Variants in HMGCLL1 observed in about 807,000 individuals in gnomAD.
The protein encoded by HMGCLL1 is 3-hydroxymethyl-3-methylglutaryl-CoA lyase, cytoplasmic.
A neutral mutation model predicts 39.1 loss-of-function variants in HMGCLL1; 36 were observed. The observed-to-expected ratio is 0.92, with a 90% confidence interval of 0.71 to 1.22. HMGCLL1 has a LOEUF of 1.22. Ranked by LOEUF, HMGCLL1 falls within the 50% of genes most tolerant of loss-of-function variation. The probability of loss-of-function intolerance (pLI) is 0.00; values close to 1 mark genes in which losing one functional copy is unlikely to be tolerated. For synonymous variants in HMGCLL1, 149 were observed against 144.0 expected, an observed-to-expected ratio of 1.03 and a Z score of -0.25; for missense variants, 451 against 416.5, an observed-to-expected ratio of 1.08 and a Z score of -0.72.
At chr6:55,631,095 A>G in the HMGCLL1 span, among the ~76,000 whole-genome samples, 317 of 151,638 alleles carry the variant, frequency 2.1e-3, 2 homozygotes, top group Non-Finnish European at 3.3e-3. Context: ...AATCATTAAT[A>G]CCTCTCTCTA....
the HMGCLL1 span, among the ~76,000 whole-genome samples, chr6:55,594,631 G>T: frequency 6.6e-6 from 1 of 152,190 alleles, no homozygotes; most frequent in East Asian, 1.9e-4. Context: ...AGTAGAGCAC[G>T]CAGGGTGCTA....
chr6:55,660,103 C>T, the HMGCLL1 span, among the ~76,000 whole-genome samples: 796 of 151,876 alleles, frequency 5.2e-3, 8 homozygotes, highest in African/African-American at 0.018. Flanking sequence ...GGTTTGTGAG[C>T]TGAACTATCT....
At chr6:55,661,279 A>G in the HMGCLL1 span, among the ~76,000 whole-genome samples, 1 of 151,862 alleles carries the variant, frequency 6.6e-6, no homozygotes, top group Admixed American at 6.6e-5. Context: ...CTTCATCATG[A>G]AATTGTTGCC....
intron 1 of HMGCLL1, chr6:55,576,958 G>T: frequency 7.6e-7 from 1 of 1,320,034 alleles, no homozygotes. Flanking sequence ...AAGAGAAATA[G>T]GGGAATGTAA....
chr6:55,538,410 T>C (rs1769151507), intron 3 of HMGCLL1, among the ~76,000 whole-genome samples: 1 of 152,146 alleles, frequency 6.6e-6, no homozygotes, highest in African/African-American at 2.4e-5. Flanking sequence ...GCAAAGACTG[T>C]ATTAAAGACA....
the HMGCLL1 span, among the ~76,000 whole-genome samples, chr6:55,598,029 G>C: frequency 6.6e-6 from 1 of 152,166 alleles, no homozygotes; most frequent in African/African-American, 2.4e-5. Context: ...AAGGCTCACT[G>C]TAATGAAGAC....
the HMGCLL1 span, among the ~76,000 whole-genome samples, chr6:55,591,069 A>G: frequency 2.0e-5 from 3 of 152,142 alleles, no homozygotes; most frequent in African/African-American, 7.2e-5. Context: ...AATAATAAAA[A>G]GACACTTTTT....
At chr6:55,644,700 T>G in the HMGCLL1 span, among the ~76,000 whole-genome samples, 1 of 151,946 alleles carries the variant, frequency 6.6e-6, no homozygotes, top group Admixed American at 6.6e-5. Flanking sequence ...CAAGTGTGAG[T>G]TCACTGTAGC....
chr6:55,464,350 A>G (rs1384543712), intron 7 of HMGCLL1, among the ~76,000 whole-genome samples: 2 of 152,228 alleles, frequency 1.3e-5, no homozygotes, highest in African/African-American at 2.4e-5. Flanking sequence ...TCCTGCAACC[A>G]TAACACTAAC....
rs10706970 is a variant in HMGCLL1 at position 55,434,914 on chromosome 6, C to CA, written c.*747dup. On this transcript the variant is annotated 3_prime_UTR_variant, in exon 9 of 9. Coordinates refer to ENST00000274901, the MANE Select transcript of HMGCLL1 (RefSeq NM_001042406.2). ...TATCACTGCAATTTAGACATCAGGA[C>CA]AAAAAAAAATAGCTTACAATTTCTC... The CA allele has an allele frequency of 6.6e-6, 1 of 151,778 alleles. No individual in the cohort carries two copies. Among genetic ancestry groups the CA allele is most frequent in the African/African-American group, 2.4e-5 (1 of 41,290 alleles). The allele number at this position is 151,778 out of a possible 1,614,324, so 9.4% of individuals were successfully genotyped here. A position where few individuals can be genotyped will look rare whatever the true frequency, so the allele number is the denominator to read the frequency against.
At chr6:55,626,936 T>C in the HMGCLL1 span, among the ~76,000 whole-genome samples, 1 of 151,394 alleles carries the variant, frequency 6.6e-6, no homozygotes, top group South Asian at 2.1e-4. Flanking sequence ...GAGTGTCTCT[T>C]AGTATTACTA....
chr6:55,449,855 T>G (rs1345509851), intron 7 of HMGCLL1, among the ~76,000 whole-genome samples: 2 of 152,342 alleles, frequency 1.3e-5, no homozygotes, highest in Admixed American at 6.5e-5. Context: ...ATTCCTTCCA[T>G]GCAGCCTTTG....
At chr6:55,436,707 G>C (rs1763385124) in intron 8 of HMGCLL1, among the ~76,000 whole-genome samples, 1 of 151,846 alleles carries the variant, frequency 6.6e-6, no homozygotes, top group Non-Finnish European at 1.5e-5. Flanking sequence ...TCATAAAATA[G>C]ACAAGTATAA....
the HMGCLL1 span, among the ~76,000 whole-genome samples, chr6:55,630,236 C>T: frequency 2.0e-5 from 3 of 152,140 alleles, no homozygotes; most frequent in Non-Finnish European, 2.9e-5. Context: ...AGACATGGAT[C>T]AAAGGAGATC....
chr6:55,551,769 A>G (rs1011516935), intron 1 of HMGCLL1, among the ~76,000 whole-genome samples: 14 of 152,044 alleles, frequency 9.2e-5, no homozygotes, highest in Admixed American at 6.6e-4. Context: ...CAGTTGCAGT[A>G]TTTTTGCAAA....
intron 5 of HMGCLL1, among the ~76,000 whole-genome samples, chr6:55,510,636 T>A (rs1767407700): frequency 1.0e-5 from 1 of 96,630 alleles, no homozygotes; most frequent in South Asian, 4.0e-4. Flanking sequence ...CTCTGGGGAC[T>A]GTTGTGGGGT....
the HMGCLL1 span, among the ~76,000 whole-genome samples, chr6:55,652,336 C>T: frequency 6.7e-6 from 1 of 148,610 alleles, no homozygotes; most frequent in Non-Finnish European, 1.5e-5. Context: ...TCAATATCAA[C>T]ACTCTTTAAA....
At chr6:55,527,968 C>G (rs1768411235) in intron 3 of HMGCLL1, among the ~76,000 whole-genome samples, 1 of 151,992 alleles carries the variant, frequency 6.6e-6, no homozygotes, top group African/African-American at 2.4e-5. Context: ...TCTGTTTAAT[C>G]AACTATCCTA....
intron 5 of HMGCLL1, among the ~76,000 whole-genome samples, chr6:55,503,145 T>A (rs1766981198): frequency 6.6e-6 from 1 of 151,372 alleles, no homozygotes; most frequent in African/African-American, 2.4e-5. Context: ...ATCTGATTGC[T>A]TTCTGCCCTT....
Sources: allele counts gnomAD v4.1 joint callset (sites outside exome capture counted in the v4.1 genomes callset), GRCh38; gene constraint gnomAD v4.1.1; transcripts MANE v1.5; gene names NCBI Gene and HGNC (gene_info 2026-07-23, HGNC 2026-07-21).